TRHDE: variants seen among roughly 807,000 people sequenced by gnomAD.
TRHDE encodes the protein thyrotropin-releasing hormone-degrading ectoenzyme.
A neutral mutation model predicts 125.7 loss-of-function variants in TRHDE; 72 were observed. That is an observed-to-expected ratio of 0.57 (90% CI 0.47 to 0.70). The LOEUF is 0.70. TRHDE is among the 30% of genes least tolerant of loss of function. TRHDE has a pLI of 0.00. For synonymous variants in TRHDE, 509 were observed against 509.1 expected, an observed-to-expected ratio of 1.00 and a Z score of 0.00; for missense variants, 1,110 against 1,327.1, an observed-to-expected ratio of 0.84 and a Z score of 2.54.
At chr12:72,468,335 A>G (rs891503776) in intron 3 of TRHDE, among the ~76,000 whole-genome samples, 5 of 152,164 alleles carry the variant, frequency 3.3e-5, no homozygotes, top group African/African-American at 7.2e-5. Flanking sequence ...GGTGAGATCA[A>G]TTGTTTTGAT....
At chr12:72,591,867 A>G (rs946978805) in intron 12 of TRHDE, among the ~76,000 whole-genome samples, 1 of 151,342 alleles carries the variant, frequency 6.6e-6, no homozygotes, top group Non-Finnish European at 1.5e-5. Context: ...TTAATTTCCC[A>G]TTATTTCTGT....
chr12:72,532,099 G>A (rs1018025944), intron 6 of TRHDE, among the ~76,000 whole-genome samples: 5 of 152,012 alleles, frequency 3.3e-5, no homozygotes, highest in Middle Eastern at 3.4e-3. Flanking sequence ...ATCCTTGTGT[G>A]TTTGGTTAAG....
intron 6 of TRHDE, among the ~76,000 whole-genome samples, chr12:72,529,906 C>T (rs1868452997): frequency 6.6e-6 from 1 of 152,144 alleles, no homozygotes. Flanking sequence ...CTTACGCCTC[C>T]AACCCTGTGC....
chr12:72,340,921 C>A (rs751805896), intron 2 of TRHDE, among the ~76,000 whole-genome samples: 18 of 152,186 alleles, frequency 1.2e-4, no homozygotes, highest in Non-Finnish European at 2.4e-4. Context: ...AAGCTATCAC[C>A]TCCCACTGGG....
chr12:72,639,358 G>C (rs1211948858), intron 15 of TRHDE, among the ~76,000 whole-genome samples: 4 of 150,726 alleles, frequency 2.7e-5, no homozygotes, highest in Non-Finnish European at 6.0e-5. Flanking sequence ...AGCTCCATCA[G>C]CTCCTTTAAG....
chr12:72,459,000 T>G (rs1297859047), intron 3 of TRHDE, among the ~76,000 whole-genome samples: 3 of 152,180 alleles, frequency 2.0e-5, no homozygotes, highest in Non-Finnish European at 4.4e-5. Flanking sequence ...ATTTATTATC[T>G]TACAATTATG....
At chr12:72,307,870 G>A (rs552248468) in intron 2 of TRHDE, among the ~76,000 whole-genome samples, 8 of 152,216 alleles carry the variant, frequency 5.3e-5, no homozygotes, top group Admixed American at 3.3e-4. Context: ...AACTAATTGA[G>A]GCTTTAAGGA....
chr12:72,213,609 GT>G, intron 2 of TRHDE, among the ~76,000 whole-genome samples: 1 of 152,076 alleles, frequency 6.6e-6, no homozygotes, highest in Non-Finnish European at 1.5e-5. Context: ...CATGCCATTG[GT>G]TATATTACAC....
chr12:72,637,628 C>T (rs1254389964), intron 15 of TRHDE, among the ~76,000 whole-genome samples: 1 of 151,980 alleles, frequency 6.6e-6, no homozygotes, highest in African/African-American at 2.4e-5. Context: ...CCTGCTTTCT[C>T]TTGTGGGCAT....
chr12:72,481,560 CTT>C (rs145153780), intron 5 of TRHDE, among the ~76,000 whole-genome samples: 53 of 133,994 alleles, frequency 4.0e-4, no homozygotes, highest in Non-Finnish European at 5.9e-4. Flanking sequence ...TCTCTACAGT[CTT>C]TTTTTTTTTT....
chr12:72,185,132 A>G (rs1203180845), intron 2 of TRHDE, among the ~76,000 whole-genome samples: 1 of 151,996 alleles, frequency 6.6e-6, no homozygotes, highest in South Asian at 2.1e-4. Context: ...CCGCACTCGC[A>G]CTCGGAGCAG....
intron 2 of TRHDE, among the ~76,000 whole-genome samples, chr12:72,372,751 C>T (rs1366381392): frequency 6.6e-6 from 1 of 152,082 alleles, no homozygotes; most frequent in Non-Finnish European, 1.5e-5. Context: ...TGATCTATAT[C>T]TCTGTTTTGG....
chr12:72,622,488 C>A (rs305399), intron 15 of TRHDE, among the ~76,000 whole-genome samples: 148,649 of 152,072 alleles, frequency 0.98, 72,692 homozygotes, highest in East Asian at 1. Context: ...ACTGATATCC[C>A]TTCCTCTCCA....
chr12:72,303,311 A>T (rs1213815182), intron 2 of TRHDE: 1 of 152,084 alleles, frequency 6.6e-6, no homozygotes, highest in Non-Finnish European at 1.5e-5. Context: ...TGAGAAGGAA[A>T]TTTTTGCAGT....
At chr12:72,371,067 A>C (rs1871562336) in intron 2 of TRHDE, among the ~76,000 whole-genome samples, 1 of 152,086 alleles carries the variant, frequency 6.6e-6, no homozygotes, top group African/African-American at 2.4e-5. Context: ...TTTTAAAATA[A>C]CATCCTAGTA....
chr12:72,344,631 G>T (rs539539861), intron 2 of TRHDE, among the ~76,000 whole-genome samples: 1 of 152,116 alleles, frequency 6.6e-6, no homozygotes, highest in African/African-American at 2.4e-5. Context: ...ATTGTGCAGA[G>T]AATTCCAATA....
At chr12:72,212,919 TA>T (rs1474483744) in intron 2 of TRHDE, among the ~76,000 whole-genome samples, 1 of 152,038 alleles carries the variant, frequency 6.6e-6, no homozygotes, top group Non-Finnish European at 1.5e-5. Context: ...AGTCAAAAAG[TA>T]AAAACAATTC....
At chr12:72,469,573 A>C (rs143049923) in intron 3 of TRHDE, among the ~76,000 whole-genome samples, 185 bp from the exon 4 acceptor site, 174 of 152,314 alleles carry the variant, frequency 1.1e-3, no homozygotes, top group African/African-American at 3.9e-3. Context: ...TATGACCAGC[A>C]TTTGCAGTGA....
At chr12:72,662,513 C>G (rs958190371) in intron 18 of TRHDE, among the ~76,000 whole-genome samples, 1 of 152,040 alleles carries the variant, frequency 6.6e-6, no homozygotes, top group Non-Finnish European at 1.5e-5. Context: ...TTTTATAGCA[C>G]CATTACTTTT....
Sources: gnomAD v4.1 joint callset for allele counts (sites outside exome capture counted in the v4.1 genomes callset) on GRCh38, gnomAD v4.1.1 for gene constraint, MANE v1.5 for transcripts, NCBI Gene and HGNC (gene_info 2026-07-23, HGNC 2026-07-21) for gene names.